Variants in KCNQ3 observed in about 807,000 individuals in gnomAD.
KCNQ3 encodes the protein potassium voltage-gated channel subfamily KQT member 3.
Under a neutral mutation model 92.5 loss-of-function variants are expected in KCNQ3, and 30 were observed. The ratio of observed to expected loss-of-function variants is 0.32; its 90% CI spans 0.24 to 0.44. The LOEUF is 0.44. Ranked by LOEUF, KCNQ3 falls within the 20% of genes least tolerant of loss-of-function variation. KCNQ3 has a pLI of 1.00. For missense variants in KCNQ3, 913 were observed against 1,140.3 expected, an observed-to-expected ratio of 0.80 and a Z score of 2.87; for synonymous variants, 450 against 468.8, an observed-to-expected ratio of 0.96 and a Z score of 0.52.
intron 1 of KCNQ3, among the ~76,000 whole-genome samples, chr8:132,347,615 A>C (rs1035957342): frequency 1.3e-5 from 2 of 152,208 alleles, no homozygotes; most frequent in African/African-American, 4.8e-5. Flanking sequence ...TCATCAAAGA[A>C]GATCTTGTTT....
At position 132,183,197 on chromosome 8, in the gene KCNQ3, G is replaced by A. The variant is rs552401866; in HGVS notation, c.604+1044C>T. On this transcript the variant is annotated intron_variant, in intron 3 of 14. Transcript: ENST00000388996. ...ATGCTCAGAGGAGAGGGAGTATGAT[G>A]CTGAGAATGCGTGATGTAAGGTAAG... Among the ~76,000 whole-genome samples, 5 of 152,338 alleles carry A rather than the reference G, an allele frequency of 3.3e-5. No individual in the cohort carries two copies. In the South Asian group the frequency reaches 1.0e-3, roughly 32 times the overall value.
intron 9 of KCNQ3, among the ~76,000 whole-genome samples, chr8:132,156,865 AG>A (rs1218015907): frequency 1.3e-5 from 2 of 152,200 alleles, no homozygotes; most frequent in Admixed American, 1.3e-4. Context: ...CCTTTATAAG[AG>A]AAATGAGAGG....
intron 1 of KCNQ3, among the ~76,000 whole-genome samples, chr8:132,472,287 G>T (rs968555970): frequency 1.1e-4 from 17 of 152,108 alleles, no homozygotes; most frequent in African/African-American, 3.9e-4. Context: ...AGAAATCAAT[G>T]TATCGAAGAA....
chr8:132,224,759 T>C (rs1331120725), intron 1 of KCNQ3, among the ~76,000 whole-genome samples: 1 of 152,224 alleles, frequency 6.6e-6, no homozygotes. Flanking sequence ...TGATACTTTT[T>C]TTTGAGTTCT....
chr8:132,246,216 G>A (rs1165502164), intron 1 of KCNQ3, among the ~76,000 whole-genome samples: 2 of 152,142 alleles, frequency 1.3e-5, no homozygotes, highest in Non-Finnish European at 2.9e-5. Context: ...AGAGCCCTTA[G>A]GCACAGGCAA....
intron 1 of KCNQ3, among the ~76,000 whole-genome samples, chr8:132,273,074 C>T (rs1401865178): frequency 1.3e-5 from 2 of 152,120 alleles, no homozygotes; most frequent in Non-Finnish European, 2.9e-5. Flanking sequence ...AGGATGGCGG[C>T]CTTCTTCTCA....
Position 132,129,149 on chromosome 8 carries a change from G to A in KCNQ3, c.*113C>T, listed in dbSNP as rs558192862. 8 of 1,302,872 alleles carry A rather than the reference G, an allele frequency of 6.1e-6. No individual in the cohort carries two copies. Among genetic ancestry groups the A allele is most frequent in the Middle Eastern group, 2.6e-4 (1 of 3,860 alleles). The allele number at this position is 1,302,872 out of a possible 1,614,324, so 80.7% of individuals were successfully genotyped here. A position where few individuals can be genotyped will look rare whatever the true frequency, so the allele number is the denominator to read the frequency against. ...GCCTGGGTGGGGCCACCACGCACACGCATGCATTTGATGCAGCCATTGGTG... is the reference window on the plus strand; with the variant it reads ...GCCTGGGTGGGGCCACCACGCACACACATGCATTTGATGCAGCCATTGGTG... On this transcript the variant is annotated 3_prime_UTR_variant, in exon 15 of 15. Coordinates refer to ENST00000388996, the MANE Select transcript of KCNQ3 (RefSeq NM_004519.4). The surrounding 1 kb of genome is among the most constrained non-coding windows in gnomAD (Gnocchi z 5.9).
intron 9 of KCNQ3, among the ~76,000 whole-genome samples, chr8:132,147,763 G>T (rs1825499161): frequency 6.6e-6 from 1 of 152,202 alleles, no homozygotes; most frequent in Non-Finnish European, 1.5e-5. Flanking sequence ...AATCTGTCTT[G>T]CGCCATTTTG....
intron 5 of KCNQ3, 56 bp downstream of exon 5, chr8:132,175,397 C>T: frequency 2.5e-6 from 4 of 1,589,630 alleles, no homozygotes; most frequent in Non-Finnish European, 3.5e-6. Context: ...CCCTCCACCT[C>T]TCTCTGACTC....
intron 1 of KCNQ3, among the ~76,000 whole-genome samples, chr8:132,465,068 C>T (rs1357002898): frequency 1.3e-5 from 2 of 152,180 alleles, no homozygotes; most frequent in Admixed American, 1.3e-4. Flanking sequence ...CTCAACGTTT[C>T]CTTTCGTGTT....
chr8:132,401,604 G>C (rs549773792), intron 1 of KCNQ3, among the ~76,000 whole-genome samples: 1 of 152,282 alleles, frequency 6.6e-6, no homozygotes, highest in South Asian at 2.1e-4. Flanking sequence ...TTGATTTCCT[G>C]ACCTCGTGAT....
chr8:132,226,999 C>T (rs975026726), intron 1 of KCNQ3, among the ~76,000 whole-genome samples: 1 of 150,810 alleles, frequency 6.6e-6, no homozygotes, highest in African/African-American at 2.4e-5. Context: ...GTCATAGTTA[C>T]AGGGAAGGAA....
intron 1 of KCNQ3, among the ~76,000 whole-genome samples, chr8:132,347,759 C>A (rs563536961): frequency 6.6e-6 from 1 of 152,160 alleles, no homozygotes; most frequent in Admixed American, 6.5e-5. Context: ...GGGCAGATCA[C>A]GAGGTCAGGA....
Position 132,181,001 on chromosome 8 carries a change from C to G in KCNQ3, c.605-672G>C, listed in dbSNP as rs997078096. Among the ~76,000 whole-genome samples, 7 of 152,090 alleles carry G rather than the reference C, an allele frequency of 4.6e-5. No homozygotes were observed. The East Asian group carries it at 1.4e-3, about 29-fold the overall frequency. On this transcript the variant is annotated intron_variant, in intron 3 of 14. Coordinates refer to ENST00000388996, the MANE Select transcript of KCNQ3 (RefSeq NM_004519.4). Reference sequence around the variant, plus strand: ...TCATCCCTAGCACTGTCAACGCCCCCACACATCTGAGCTACACTGGCCTAG... The same window carrying G: ...TCATCCCTAGCACTGTCAACGCCCCGACACATCTGAGCTACACTGGCCTAG...
At chr8:132,480,101 C>T (rs1822513655) in intron 1 of KCNQ3, 46 bp downstream of exon 1, 1 of 1,581,746 alleles carries the variant, frequency 6.3e-7, no homozygotes, top group Admixed American at 1.8e-5. Flanking sequence ...CCCCAAGTCC[C>T]CAAGCGCGCC....
chr8:132,282,144 A>G (rs1213171902), intron 1 of KCNQ3, among the ~76,000 whole-genome samples: 2 of 152,070 alleles, frequency 1.3e-5, no homozygotes, highest in Non-Finnish European at 2.9e-5. Context: ...CTCTATCAAC[A>G]CCATGAGATA....
chr8:132,418,747 C>T (rs1479248994), intron 1 of KCNQ3, among the ~76,000 whole-genome samples: 2 of 152,068 alleles, frequency 1.3e-5, no homozygotes, highest in Non-Finnish European at 2.9e-5. Flanking sequence ...GACCATGCCA[C>T]CGGACTCCAG....
intron 1 of KCNQ3, among the ~76,000 whole-genome samples, chr8:132,289,481 T>C (rs1586899143): frequency 6.6e-6 from 1 of 152,184 alleles, no homozygotes; most frequent in Non-Finnish European, 1.5e-5. Context: ...CTTTGGTTTG[T>C]GGTTGTATCA....
At chr8:132,330,770 C>A (rs190762105) in intron 1 of KCNQ3, among the ~76,000 whole-genome samples, 82 of 152,316 alleles carry the variant, frequency 5.4e-4, no homozygotes, top group African/African-American at 1.9e-3. Context: ...TACACACTTG[C>A]AGCTGGAGGA....
Sources: allele counts gnomAD v4.1 joint callset (sites outside exome capture counted in the v4.1 genomes callset), GRCh38; gene constraint gnomAD v4.1.1; non-coding constraint Gnocchi (gnomAD v3.1); transcripts MANE v1.5; gene names NCBI Gene and HGNC (gene_info 2026-07-23, HGNC 2026-07-21).